ZNF99: variants seen among roughly 807,000 people sequenced by gnomAD.
ZNF99 encodes zinc finger protein ENSP00000375192.
A neutral mutation model predicts 12.8 loss-of-function variants in ZNF99; 8 were observed. That is an observed-to-expected ratio of 0.62 (90% CI 0.37 to 1.13). The LOEUF (loss-of-function observed/expected upper bound fraction) is 1.13, where lower values mean the gene tolerates loss of function less well. Among genes scored for constraint, ZNF99 ranks in the 50% most tolerant of loss-of-function variants. The pLI, the probability that ZNF99 is intolerant of heterozygous loss-of-function variation, is 0.02. For missense variants in ZNF99, 1,007 were observed against 1,006.2 expected (o/e 1.00, Z -0.01); for synonymous variants, 318 against 319.0 (o/e 1.00, Z 0.03).
At position 22,756,160 on chromosome 19, in the gene ZNF99, A is replaced by G; in HGVS notation, c.*1154T>C. The G allele has an allele frequency of 1.3e-6, 2 of 1,529,310 alleles. No individual in the cohort carries two copies. The highest frequency in any genetic ancestry group is 1.8e-6 in the Non-Finnish European group (2 of 1,130,188). 94.7% of individuals were successfully genotyped at this position (1,529,310 alleles called of 1,614,324 possible). A position where few individuals can be genotyped will look rare whatever the true frequency, so the allele number is the denominator to read the frequency against. On this transcript the variant is annotated 3_prime_UTR_variant, in exon 4 of 4. Coordinates refer to ENST00000596209, the MANE Select transcript of ZNF99 (RefSeq NM_001080409.3). ...TAGTATAAATTATCTTATGTGTATTAAGGTTTGTAAAATGGTTGAAAGCTT... is the reference window on the plus strand; with the variant it reads ...TAGTATAAATTATCTTATGTGTATTGAGGTTTGTAAAATGGTTGAAAGCTT...
intron 3 of ZNF99, among the ~76,000 whole-genome samples, chr19:22,764,359 A>G (rs1418079349): frequency 6.6e-6 from 1 of 152,186 alleles, no homozygotes; most frequent in Non-Finnish European, 1.5e-5. Flanking sequence ...ATTCTAGAAC[A>G]TTGGAAAAAC....
At chr19:22,769,568 C>T (rs1243916402) in intron 1 of ZNF99, among the ~76,000 whole-genome samples, 2 of 151,934 alleles carry the variant, frequency 1.3e-5, no homozygotes, top group African/African-American at 4.8e-5. Context: ...GAGATTGAGA[C>T]CATCCTGGCT....
In ZNF99 at chr19:22,754,436, T is replaced by C. The variant is rs62119143; in HGVS notation, c.*2878A>G. 35,321 of 403,036 alleles carry C rather than the reference T, an allele frequency of 0.088. 1,676 individuals are homozygous for C. The highest frequency in any genetic ancestry group is 0.12 in the Middle Eastern group (289 of 2,432). 25.0% of individuals were successfully genotyped at this position (403,036 alleles called of 1,614,324 possible). On this transcript the variant is annotated 3_prime_UTR_variant, in exon 4 of 4. Transcript: ENST00000596209. ...TTTCTCTACAACATAAATTATCTTATGTGTAATAAGGGTTGAAATGTTTTT... is the reference window on the plus strand; with the variant it reads ...TTTCTCTACAACATAAATTATCTTACGTGTAATAAGGGTTGAAATGTTTTT...
Position 22,758,472 on chromosome 19 carries a change from T to C in ZNF99, c.1437A>G (p.Lys479=). 1 of 1,613,358 alleles carries C rather than the reference T, an allele frequency of 6.2e-7. No homozygotes were observed. The highest frequency in any genetic ancestry group is 1.1e-5 in the South Asian group (1 of 91,044). The change falls in exon 4 of 4, where the codon AAA becomes AAG. Residue 479 remains lysine, a synonymous_variant. Transcript: ENST00000596209. ...RKHEIIHTGE[K]PYKCEECGKA... ...TACCACATTCTTCACATTTGTAGGG[T>C]TTCTCTCCAGTATGAATTATCTCAT...
At chr19:22,773,766 A>T (rs1599448243) in intron 1 of ZNF99, 1 of 152,160 alleles carries the variant, frequency 6.6e-6, no homozygotes, top group South Asian at 2.1e-4. Flanking sequence ...CTTGACCCCT[A>T]CCATCTGCCA....
intron 1 of ZNF99, among the ~76,000 whole-genome samples, chr19:22,775,019 T>C (rs1370570822): frequency 6.6e-6 from 1 of 152,190 alleles, no homozygotes; most frequent in African/African-American, 2.4e-5. Context: ...GCTATTCTTA[T>C]CAAACTACCA....
intron 1 of ZNF99, among the ~76,000 whole-genome samples, chr19:22,772,450 G>A (rs1211114926): frequency 2.0e-5 from 3 of 152,196 alleles, no homozygotes; most frequent in Non-Finnish European, 4.4e-5. Context: ...TTTGGGAGGC[G>A]GGCAGATCAC....
At position 22,754,697 on chromosome 19, in the gene ZNF99, A is replaced by G. The variant is rs1973022837; in HGVS notation, c.*2617T>C. The G allele has an allele frequency of 6.5e-6, 2 of 307,138 alleles. No individual in the cohort carries two copies. The highest frequency in any genetic ancestry group is 1.3e-5 in the Non-Finnish European group (2 of 155,112). The allele number at this position is 307,138 out of a possible 1,614,324, so 19.0% of individuals were successfully genotyped here. On this transcript the variant is annotated 3_prime_UTR_variant, in exon 4 of 4. Coordinates refer to ENST00000596209, the MANE Select transcript of ZNF99 (RefSeq NM_001080409.3). ...CATTATGAATTATCTTATGTTCAGT[A>G]AGGTTTGAGGACGTTAAAAGCTTTG...
intron 1 of ZNF99, among the ~76,000 whole-genome samples, chr19:22,783,715 C>G (rs747308891): frequency 6.6e-6 from 1 of 152,184 alleles, no homozygotes; most frequent in Non-Finnish European, 1.5e-5. Context: ...CCCCTGACGC[C>G]CCTCCCGTGG....
In ZNF99 at chr19:22,759,216, A is replaced by C; in HGVS notation, c.693T>G (p.Tyr231Ter). ...IIHTEDKPYK[Y>*]KKCGKAFNIS... ...TGTTAAAAGCTTTGCCACATTTCTT[A>C]TATTTGTAGGGTTTGTCTTCAGTAT... Residue 231 changes from tyrosine to a stop codon, truncating the protein, a stop_gained, in exon 4 of 4, where the codon TAT becomes TAG. Transcript: ENST00000596209. LOFTEE classifies it low-confidence loss of function (END_TRUNC). 1 of 1,567,176 alleles carries C rather than the reference A, an allele frequency of 6.4e-7. No individual in the cohort carries two copies. The highest frequency in any genetic ancestry group is 8.6e-7 in the Non-Finnish European group (1 of 1,156,482).
At chr19:22,774,860 G>A (rs1973308524) in intron 1 of ZNF99, among the ~76,000 whole-genome samples, 5 of 151,890 alleles carry the variant, frequency 3.3e-5, no homozygotes, top group African/African-American at 9.7e-5. Context: ...ACAGAGCGAG[G>A]ATCTGACTCA....
chr19:22,774,167 T>C (rs144262993), intron 1 of ZNF99: 3 of 152,398 alleles, frequency 2.0e-5, no homozygotes, highest in East Asian at 3.9e-4. Flanking sequence ...AAAACCATCT[T>C]AGGTAAAAAC....
chr19:22,771,880 G>T, intron 1 of ZNF99, among the ~76,000 whole-genome samples: 1 of 135,600 alleles, frequency 7.4e-6, no homozygotes, highest in Non-Finnish European at 1.6e-5. Context: ...ACCACGCCCG[G>T]CTAATTTTTG....
At chr19:22,763,134 GA>G (rs1823011615) in intron 3 of ZNF99, among the ~76,000 whole-genome samples, 1 of 151,944 alleles carries the variant, frequency 6.6e-6, no homozygotes, top group Admixed American at 6.6e-5. Flanking sequence ...GTCTTATCCA[GA>G]GCAAGCAGAA....
chr19:22,756,114 C>G lies in ZNF99; in HGVS notation c.*1200G>C. The G allele has an allele frequency of 6.8e-7, 1 of 1,469,870 alleles. No homozygotes were observed. Among genetic ancestry groups the G allele is most frequent in the Non-Finnish European group, 9.1e-7 (1 of 1,093,208 alleles). The allele number at this position is 1,469,870 out of a possible 1,614,324, so 91.1% of individuals were successfully genotyped here. On this transcript the variant is annotated 3_prime_UTR_variant, in exon 4 of 4. Transcript: ENST00000596209. ...TGGTTAAAAGCTTTGCCACATTCTT[C>G]ACATATGGAGGGTCTGTCTCTAGTA...
At chr19:22,781,191 CTG>C (rs1973383090) in intron 1 of ZNF99, among the ~76,000 whole-genome samples, 1 of 152,080 alleles carries the variant, frequency 6.6e-6, no homozygotes, top group Non-Finnish European at 1.5e-5. Flanking sequence ...AGTTAAAAAA[CTG>C]AGGTCAAAAT....
At position 22,757,213 on chromosome 19, in the gene ZNF99, T is replaced by G; in HGVS notation, c.*101A>C. 6.3e-7 allele frequency: 1 copy of G among 1,588,270 alleles called. No individual in the cohort carries two copies. The highest frequency in any genetic ancestry group is 8.6e-7 in the Non-Finnish European group (1 of 1,162,638). ...TGCCACATTCTTCACATTTGTATGG[T>G]TTCTTCCCAGTATAAATTATCTTAT... On this transcript the variant is annotated 3_prime_UTR_variant, in exon 4 of 4. Coordinates refer to ENST00000596209, the MANE Select transcript of ZNF99 (RefSeq NM_001080409.3).
intron 2 of ZNF99, 55 bp downstream of exon 2, chr19:22,769,143 G>C: frequency 6.5e-7 from 1 of 1,544,018 alleles, no homozygotes; most frequent in Non-Finnish European, 8.7e-7. Flanking sequence ...CTACAGAAAA[G>C]AGAAATGAAA....
Position 22,754,418 on chromosome 19 carries a change from A to G in ZNF99, c.*2896T>C, listed in dbSNP as rs552294590. On this transcript the variant is annotated 3_prime_UTR_variant, in exon 4 of 4. Coordinates refer to ENST00000596209, the MANE Select transcript of ZNF99 (RefSeq NM_001080409.3). ...TTCTTCACATTTGTAGAATTTCTCT[A>G]CAACATAAATTATCTTATGTGTAAT... The G allele has an allele frequency of 2.5e-6, 1 of 403,846 alleles. No homozygotes were observed. The highest frequency in any genetic ancestry group is 2.1e-5 in the African/African-American group (1 of 47,006). 25.0% of individuals were successfully genotyped at this position (403,846 alleles called of 1,614,324 possible).
Sources: gnomAD v4.1 joint callset for allele counts (sites outside exome capture counted in the v4.1 genomes callset) on GRCh38, gnomAD v4.1.1 for gene constraint, MANE v1.5 for transcripts, NCBI Gene and HGNC (gene_info 2026-07-23, HGNC 2026-07-21) for gene names.